The following CDH13 variants were observed in gnomAD, a reference collection of about 807,000 sequenced individuals.
CDH13 encodes cadherin-13.
CDH13 carries 24 observed loss-of-function variants against 63.8 expected under a neutral mutation model. That is an observed-to-expected ratio of 0.38 (90% CI 0.27 to 0.53). The LOEUF is 0.53. CDH13 is among the 20% of genes least tolerant of loss of function. CDH13 has a pLI of 0.85. For synonymous variants in CDH13, 503 were observed against 355.3 expected (o/e 1.42, Z -4.67); for missense variants, 1,049 against 903.1 (o/e 1.16, Z -2.07).
intron 3 of CDH13, among the ~76,000 whole-genome samples, chr16:83,048,511 G>A (rs957453368): frequency 5.3e-5 from 8 of 152,026 alleles, no homozygotes; most frequent in Admixed American, 2.0e-4. Flanking sequence ...CCACTCTAAG[G>A]CTTTTCCATT....
At chr16:83,685,240 G>GT (rs1394207619) in intron 10 of CDH13, among the ~76,000 whole-genome samples, 7 of 152,166 alleles carry the variant, frequency 4.6e-5, no homozygotes, top group Non-Finnish European at 1.0e-4. Context: ...AATGTGCATT[G>GT]TTTTTTAAAC....
intron 7 of CDH13, among the ~76,000 whole-genome samples, chr16:83,506,097 G>A (rs916111950): frequency 2.6e-5 from 4 of 152,192 alleles, no homozygotes; most frequent in African/African-American, 9.7e-5. Flanking sequence ...TTCCACTCAT[G>A]GCAAACAGGA....
intron 10 of CDH13, chr16:83,725,680 T>G (rs138934546): frequency 4.6e-5 from 7 of 152,324 alleles, no homozygotes; most frequent in African/African-American, 1.7e-4. Flanking sequence ...GCAGGCAAGT[T>G]TGGGAACAGC....
intron 6 of CDH13, among the ~76,000 whole-genome samples, chr16:83,466,336 C>T (rs897846197): frequency 6.6e-6 from 1 of 152,112 alleles, no homozygotes. Flanking sequence ...TTATTAGGGG[C>T]TTACATCCAG....
intron 6 of CDH13, among the ~76,000 whole-genome samples, chr16:83,465,140 G>A (rs1404967946): frequency 1.3e-5 from 2 of 152,160 alleles, no homozygotes; most frequent in African/African-American, 2.4e-5. Flanking sequence ...ATTAATCAAC[G>A]AGCTAAACAA....
chr16:83,186,463 T>C (rs533911907), intron 4 of CDH13, among the ~76,000 whole-genome samples: 88 of 152,330 alleles, frequency 5.8e-4, no homozygotes, highest in Non-Finnish European at 9.3e-4. Flanking sequence ...ATTCGACTTT[T>C]CGAGACAGCC....
chr16:83,211,654 C>G (rs908822776), intron 4 of CDH13, among the ~76,000 whole-genome samples: 2 of 152,116 alleles, frequency 1.3e-5, no homozygotes, highest in African/African-American at 2.4e-5. Context: ...CGTGAGAACA[C>G]CCTTAAAATC....
intron 9 of CDH13, among the ~76,000 whole-genome samples, chr16:83,674,466 G>C (rs554395587): frequency 1.3e-4 from 20 of 152,256 alleles, no homozygotes; most frequent in African/African-American, 4.3e-4. Flanking sequence ...AGGGTCCCCC[G>C]GCCAATTTCC....
At chr16:83,288,167 G>A (rs1176177732) in intron 5 of CDH13, among the ~76,000 whole-genome samples, 1 of 151,984 alleles carries the variant, frequency 6.6e-6, no homozygotes, top group African/African-American at 2.4e-5. Context: ...TGAGTTTTTT[G>A]GTGCCTCCTT....
chr16:82,665,508 TCATAGAACATAAGTAC>T (rs955440672), intron 1 of CDH13, among the ~76,000 whole-genome samples: 3 of 152,152 alleles, frequency 2.0e-5, no homozygotes, highest in Non-Finnish European at 2.9e-5. Context: ...CATGGTGACT[TCATAGAACATAAGTAC>T]CATAAATAAG....
At chr16:83,385,821 C>A (rs1032036247) in intron 6 of CDH13, among the ~76,000 whole-genome samples, 14 of 152,172 alleles carry the variant, frequency 9.2e-5, no homozygotes, top group Non-Finnish European at 2.1e-4. Context: ...CCCACTATCT[C>A]CTTTTGGGGC....
At chr16:83,182,876 G>C (rs56683369) in intron 4 of CDH13, among the ~76,000 whole-genome samples, 1 of 151,946 alleles carries the variant, frequency 6.6e-6, no homozygotes, top group Non-Finnish European at 1.5e-5. Context: ...ATACTTAAAG[G>C]CATTTGCATT....
chr16:83,595,206 T>G (rs1907139006), intron 7 of CDH13, among the ~76,000 whole-genome samples: 1 of 152,228 alleles, frequency 6.6e-6, no homozygotes, highest in African/African-American at 2.4e-5. Context: ...CTCCTTGAGC[T>G]GCAGTTCCGC....
At chr16:83,439,449 T>C (rs1468366702) in intron 6 of CDH13, among the ~76,000 whole-genome samples, 1 of 152,192 alleles carries the variant, frequency 6.6e-6, no homozygotes, top group Non-Finnish European at 1.5e-5. Flanking sequence ...GCTTGCATTA[T>C]TAGCTGCTTT....
At chr16:82,714,286 A>C (rs2032187675) in intron 1 of CDH13, among the ~76,000 whole-genome samples, 1 of 152,188 alleles carries the variant, frequency 6.6e-6, no homozygotes, top group Non-Finnish European at 1.5e-5. Context: ...GTTCCCCCAA[A>C]AGATATGTTG....
At chr16:82,682,486 A>C (rs930542071) in intron 1 of CDH13, among the ~76,000 whole-genome samples, 1 of 152,308 alleles carries the variant, frequency 6.6e-6, no homozygotes, top group African/African-American at 2.4e-5. Flanking sequence ...AGGGAGAAAT[A>C]CTCCATTACA....
chr16:83,730,877 A>G (rs1910967465), intron 10 of CDH13, among the ~76,000 whole-genome samples: 1 of 152,102 alleles, frequency 6.6e-6, no homozygotes, highest in Non-Finnish European at 1.5e-5. Context: ...GTGTGTACTC[A>G]ATGTTTAGCT....
chr16:83,427,146 C>T (rs918765308), intron 6 of CDH13, among the ~76,000 whole-genome samples: 7 of 151,674 alleles, frequency 4.6e-5, no homozygotes, highest in South Asian at 2.1e-4. Context: ...TATCTTCTGA[C>T]CTGGTGATCC....
Position 82,947,409 on chromosome 16 carries a change from T to C in CDH13, c.158-84601T>C, listed in dbSNP as rs59644739. ...GTTGCAAACTGGATATTTTGGATAA[T>C]ACTGGAAAAACGGAAATATTAGATC... On this transcript the variant is annotated intron_variant, in intron 2 of 13. Transcript: ENST00000567109. 6.0e-3 allele frequency among the ~76,000 whole-genome samples: 913 copies of C among 152,312 alleles called. 13 individuals carry two copies. The highest frequency in any genetic ancestry group is 0.02 in the African/African-American group (852 of 41,572).
Sources: allele counts gnomAD v4.1 joint callset (sites outside exome capture counted in the v4.1 genomes callset), GRCh38; gene constraint gnomAD v4.1.1; transcripts MANE v1.5; gene names NCBI Gene and HGNC (gene_info 2026-07-23, HGNC 2026-07-21).